RNF19B: variants seen among roughly 807,000 people sequenced by gnomAD.
RNF19B encodes E3 ubiquitin-protein ligase RNF19B.
A neutral mutation model predicts 65.5 loss-of-function variants in RNF19B; 23 were observed. The ratio of observed to expected loss-of-function variants is 0.35; its 90% CI spans 0.25 to 0.50. RNF19B has a LOEUF of 0.50. RNF19B is among the 20% of genes least tolerant of loss of function. The pLI is 0.98. For missense variants in RNF19B, 794 were observed against 980.0 expected (o/e 0.81, Z 2.53); for synonymous variants, 372 against 379.6 (o/e 0.98, Z 0.23).
chr1:32,955,350 C>A (rs979492582), intron 1 of RNF19B, among the ~76,000 whole-genome samples: 1 of 151,998 alleles, frequency 6.6e-6, no homozygotes, highest in Admixed American at 6.6e-5. Context: ...GGTACTATAA[C>A]CTAATCCTAA....
chr1:32,941,571 T>C (rs1335254396), intron 7 of RNF19B, among the ~76,000 whole-genome samples: 4 of 151,704 alleles, frequency 2.6e-5, no homozygotes, highest in Non-Finnish European at 4.4e-5. Flanking sequence ...TAAGCCATGA[T>C]ACAGCATAAA....
intron 7 of RNF19B, among the ~76,000 whole-genome samples, chr1:32,940,173 C>A (rs1642199756): frequency 6.6e-6 from 1 of 152,226 alleles, no homozygotes; most frequent in Non-Finnish European, 1.5e-5. Flanking sequence ...CACAGAATCA[C>A]TCTGAGTTGG....
downstream of RNF19B, among the ~76,000 whole-genome samples, chr1:32,931,696 G>A (rs530497209): frequency 6.6e-6 from 1 of 152,338 alleles, no homozygotes; most frequent in South Asian, 2.1e-4. Context: ...ATTCTTTTGG[G>A]TCTCTCCCAT....
chr1:32,934,603 C>A (rs1301914144), downstream of RNF19B, among the ~76,000 whole-genome samples: 2 of 151,910 alleles, frequency 1.3e-5, no homozygotes, highest in African/African-American at 4.8e-5. Flanking sequence ...ATCACTTGAA[C>A]CCGGGAGGCT....
chr1:32,932,768 A>T (rs1642042427), downstream of RNF19B, among the ~76,000 whole-genome samples: 1 of 152,148 alleles, frequency 6.6e-6, no homozygotes. Flanking sequence ...TAATCTACAC[A>T]ATCTTGCTCC....
rs1349588654 is a variant in RNF19B at position 32,944,151 on chromosome 1, C to A, written c.1270G>T (p.Val424Phe). The part of the protein sequence containing the change: ...VIAAVSVGIG[V>F]PIMLAYVYGV... ...TAAACATATGCCAGCATAATGGGGA[C>A]ACCAATACCTGGGGGAAGAGAAGGA... is the stretch of plus-strand genomic sequence containing the variant. The change falls in exon 6 of 9, where the codon GTC (valine) becomes TTC (phenylalanine). Residue 424 changes from valine (V) to phenylalanine (F), a missense_variant. By Grantham distance (50) the Val-to-Phe change is conservative. This residue lies in a region of RNF19B where 368 missense variants were observed against 447.3 expected (regional missense o/e 0.82). Transcript: ENST00000235150. 2 of 1,611,004 alleles carry A rather than the reference C, an allele frequency of 1.2e-6. No homozygotes were observed. Among genetic ancestry groups the A allele is most frequent in the Non-Finnish European group, 1.7e-6 (2 of 1,178,792 alleles).
At chr1:32,941,665 C>T (rs1642235129) in intron 7 of RNF19B, among the ~76,000 whole-genome samples, 2 of 152,220 alleles carry the variant, frequency 1.3e-5, no homozygotes, top group Admixed American at 1.3e-4. Context: ...CTGAAGCAGG[C>T]AGCCTCAGGC....
chr1:32,955,487 T>C (rs1487726801), intron 1 of RNF19B, among the ~76,000 whole-genome samples: 2 of 151,276 alleles, frequency 1.3e-5, no homozygotes, highest in East Asian at 3.9e-4. Context: ...CCCAGCACTT[T>C]GGGAAGCCAA....
At chr1:32,932,339 G>A (rs534196512), downstream of RNF19B, among the ~76,000 whole-genome samples, 1 of 152,328 alleles carries the variant, frequency 6.6e-6, no homozygotes, top group Non-Finnish European at 1.5e-5. Context: ...CTATTAGAAT[G>A]CAGTTAAAGA....
Position 32,964,450 on chromosome 1 carries a change from G to T in RNF19B, c.236C>A (p.Ala79Glu), listed in dbSNP as rs1642854686. 1 of 1,009,502 alleles carries T rather than the reference G, an allele frequency of 9.9e-7. No individual in the cohort carries two copies. Among genetic ancestry groups the T allele is most frequent in the African/African-American group, 1.8e-5 (1 of 56,914 alleles). 62.5% of individuals were successfully genotyped at this position (1,009,502 alleles called of 1,614,324 possible). The change falls in exon 1 of 9, where the codon GCG (alanine) becomes GAG (glutamate). Residue 79 changes from alanine to glutamate, a missense_variant. Physicochemically the swap from Ala to Glu is moderately radical, Grantham distance 107 (BLOSUM62 -1). Around this residue, in one of 3 missense-constraint regions of RNF19B, gnomAD observed 374 missense variants for 423.8 expected, o/e 0.88. Coordinates refer to ENST00000235150, the MANE Select transcript of RNF19B (RefSeq NM_001300826.2). The surrounding 1 kb of genome is among the most constrained non-coding windows in gnomAD (Gnocchi z 6.5). The part of the protein sequence containing the change: ...PAAAQGPPPE[A>E]LPAEPAAEAE... ...CTCGGCGGCCGGCTCGGCGGGCAGC[G>T]CCTCGGGCGGCGGGCCCTGGGCCGC... is the stretch of plus-strand genomic sequence containing the variant.
chr1:32,936,000 C>T (rs914462461), downstream of RNF19B, among the ~76,000 whole-genome samples: 2 of 152,178 alleles, frequency 1.3e-5, no homozygotes, highest in Non-Finnish European at 2.9e-5. Context: ...CCACCTGCCT[C>T]GGCCTCCCAA....
downstream of RNF19B, among the ~76,000 whole-genome samples, chr1:32,933,109 G>A (rs751690793): frequency 3.3e-5 from 5 of 152,200 alleles, no homozygotes; most frequent in South Asian, 2.1e-4. Flanking sequence ...GCCTTCCCCC[G>A]TTAAGAGTCT....
chr1:32,942,590 A>G (rs1642263435), intron 6 of RNF19B, 131 bp from the exon 7 acceptor site: 5 of 654,260 alleles, frequency 7.6e-6, no homozygotes, highest in South Asian at 2.3e-5. Context: ...CAGTCGCCAC[A>G]TATCAGGTGT....
At chr1:32,963,114 C>T (rs1642810649) in intron 1 of RNF19B, among the ~76,000 whole-genome samples, 1 of 152,120 alleles carries the variant, frequency 6.6e-6, no homozygotes, top group African/African-American at 2.4e-5. Flanking sequence ...CTCAGTGCCC[C>T]CATTGAGACT....
chr1:32,955,305 AT>A (rs1208473160), intron 1 of RNF19B, among the ~76,000 whole-genome samples: 2 of 152,040 alleles, frequency 1.3e-5, no homozygotes, highest in African/African-American at 2.4e-5. Flanking sequence ...AATCTTTTCA[AT>A]GTATCCATGT....
Position 32,964,647 on chromosome 1 carries a change from T to G in RNF19B, c.39A>C (p.Thr13=), listed in dbSNP as rs1253251956. The G allele has an allele frequency of 1.0e-5, 15 of 1,474,256 alleles. No homozygotes were observed. Among genetic ancestry groups the G allele is most frequent in the Middle Eastern group, 2.3e-4 (1 of 4,398 alleles). The allele number at this position is 1,474,256 out of a possible 1,614,324, so 91.3% of individuals were successfully genotyped here. A position where few individuals can be genotyped will look rare whatever the true frequency, so the allele number is the denominator to read the frequency against. Residue 13 remains threonine, a synonymous_variant, in exon 1 of 9, where the codon ACA becomes ACC. Transcript: ENST00000235150. This position sits in a 1 kb window ranked among gnomAD's most constrained non-coding sequence, Gnocchi z 6.5. ...GGTCGGGTGCGGCCGCATGTAGCGA[T>G]GTGGAGCGCGGCGACTCGGAGTCCT... The part of the protein sequence containing the change: ...SEKDSESPRS[T]SLHAAAPDPK...
rs188088539 is a variant in RNF19B, at chr1:32,948,516, G to T, written c.842-153C>A. ...ATTGTACAACCCACTTTACTGGAAG[G>T]TTGGCTATGTCTAGACCTCAGGAAT... On this transcript the variant is annotated intron_variant, in intron 2 of 8. Coordinates refer to ENST00000235150, the MANE Select transcript of RNF19B (RefSeq NM_001300826.2). 87 of 732,864 alleles carry T rather than the reference G, an allele frequency of 1.2e-4. No homozygotes were observed. The East Asian group carries it at 2.4e-3, about 20-fold the overall frequency. 45.4% of individuals were successfully genotyped at this position (732,864 alleles called of 1,614,324 possible).
intron 7 of RNF19B, among the ~76,000 whole-genome samples, chr1:32,941,715 A>G (rs1642236447): frequency 6.6e-6 from 1 of 152,138 alleles, no homozygotes; most frequent in South Asian, 2.1e-4. Flanking sequence ...TTCTTTATAT[A>G]GAGGCAGCTA....
At chr1:32,940,287 C>T (rs1383798176) in intron 7 of RNF19B, among the ~76,000 whole-genome samples, 1 of 150,370 alleles carries the variant, frequency 6.7e-6, no homozygotes, top group African/African-American at 2.4e-5. Flanking sequence ...ACACGGATCA[C>T]CCCCTAGGTG....
Sources: gnomAD v4.1 joint callset for allele counts (sites outside exome capture counted in the v4.1 genomes callset) on GRCh38, gnomAD v4.1.1 for gene constraint, gnomAD v4.1.1 regional missense constraint, Gnocchi (gnomAD v3.1) non-coding constraint, MANE v1.5 for transcripts, NCBI Gene and HGNC (gene_info 2026-07-23, HGNC 2026-07-21) for gene names.